The following CRPPA variants were observed in gnomAD, a reference collection of about 807,000 sequenced individuals.
CRPPA encodes CDP-L-ribitol pyrophosphorylase A, also known as D-ribitol-5-phosphate cytidylyltransferase.
Under a neutral mutation model 52.0 loss-of-function variants are expected in CRPPA, and 43 were observed. That is an observed-to-expected ratio of 0.83 (90% CI 0.65 to 1.07). CRPPA has a LOEUF of 1.07. CRPPA is among the 50% of genes least tolerant of loss of function. The pLI is 0.00. For synonymous variants in CRPPA, 250 were observed against 203.5 expected, an observed-to-expected ratio of 1.23 and a Z score of -1.94; for missense variants, 629 against 551.7, an observed-to-expected ratio of 1.14 and a Z score of -1.40.
chr7:16,302,244 C>T (rs1784803801), intron 4 of CRPPA, among the ~76,000 whole-genome samples: 1 of 126,822 alleles, frequency 7.9e-6, no homozygotes, highest in Admixed American at 1.1e-4. Context: ...TGCAGTGTGC[C>T]GAGATTGCGC....
chr7:16,394,011 G>A (rs1787508788), intron 2 of CRPPA, among the ~76,000 whole-genome samples: 1 of 152,062 alleles, frequency 6.6e-6, no homozygotes, highest in African/African-American at 2.4e-5. Flanking sequence ...ATAGACTGGA[G>A]GAAAGTCTAA....
intron 2 of CRPPA, among the ~76,000 whole-genome samples, chr7:16,378,837 T>C (rs1786986779): frequency 6.6e-6 from 1 of 152,216 alleles, no homozygotes; most frequent in African/African-American, 2.4e-5. Flanking sequence ...ACTGTGGTTT[T>C]GATTTGCATT....
At chr7:16,356,928 C>T (rs991215378) in intron 3 of CRPPA, among the ~76,000 whole-genome samples, 8 of 152,142 alleles carry the variant, frequency 5.3e-5, no homozygotes, top group Non-Finnish European at 1.2e-4. Flanking sequence ...AAGTGGTCTT[C>T]ACTCCTAAAA....
In CRPPA at chr7:16,287,322, T is replaced by C. The variant is rs117411860; in HGVS notation, c.836-9096A>G. 7.0e-4 allele frequency among the ~76,000 whole-genome samples: 106 copies of C among 152,284 alleles called. 1 individual carries two copies. The East Asian group carries it at 0.018, about 26-fold the overall frequency. On this transcript the variant is annotated intron_variant, in intron 5 of 9. Coordinates refer to ENST00000407010, the MANE Select transcript of CRPPA (RefSeq NM_001101426.4). ...ATTATAGTTTCTATATTACAGTATATTTTTTGTCCTTCTCTTCCACAAGAT... is the reference window on the plus strand; with the variant it reads ...ATTATAGTTTCTATATTACAGTATACTTTTTGTCCTTCTCTTCCACAAGAT...
At chr7:16,250,415 A>G (rs1314295055) in intron 8 of CRPPA, among the ~76,000 whole-genome samples, 2 of 152,172 alleles carry the variant, frequency 1.3e-5, no homozygotes. Flanking sequence ...CCCAAGACAC[A>G]GAATCGTCAG....
rs372166871 is a variant in CRPPA at position 16,369,341 on chromosome 7, A to G, written c.684+6751T>C. 2.5e-3 allele frequency among the ~76,000 whole-genome samples: 374 copies of G among 152,334 alleles called. 1 individual carries two copies. The highest frequency in any genetic ancestry group is 8.2e-3 in the African/African-American group (342 of 41,576). ...ACAGAACAGGGCAGGGAGTTTCACA[A>G]TGTTCTTCTATACAATGTCTGGAAT... On this transcript the variant is annotated intron_variant, in intron 3 of 9. Coordinates refer to ENST00000407010, the MANE Select transcript of CRPPA (RefSeq NM_001101426.4).
At chr7:16,346,570 A>C (rs571652271) in intron 3 of CRPPA, among the ~76,000 whole-genome samples, 1 of 152,258 alleles carries the variant, frequency 6.6e-6, no homozygotes, top group East Asian at 1.9e-4. Context: ...GGCAATAGCT[A>C]GTGTTTGTTG....
intron 9 of CRPPA, among the ~76,000 whole-genome samples, chr7:16,170,894 C>G (rs370283745): frequency 2.0e-5 from 3 of 152,238 alleles, no homozygotes; most frequent in Non-Finnish European, 4.4e-5. Context: ...CAGGCCCACC[C>G]GGAACTTGCA....
chr7:16,202,272 A>C (rs890739176), intron 9 of CRPPA, among the ~76,000 whole-genome samples: 5 of 152,302 alleles, frequency 3.3e-5, no homozygotes, highest in Non-Finnish European at 4.4e-5. Flanking sequence ...AACCTATAAA[A>C]ACATAAATAA....
At chr7:16,115,669 G>T (rs1041147951) in intron 9 of CRPPA, among the ~76,000 whole-genome samples, 1 of 152,152 alleles carries the variant, frequency 6.6e-6, no homozygotes, top group African/African-American at 2.4e-5. Flanking sequence ...TGAAGAATAA[G>T]ATGAGTCTGA....
At chr7:16,338,085 C>T (rs1785731901) in intron 3 of CRPPA, among the ~76,000 whole-genome samples, 1 of 152,022 alleles carries the variant, frequency 6.6e-6, no homozygotes, top group Non-Finnish European at 1.5e-5. Flanking sequence ...AACATAGACA[C>T]AAAAATTATC....
rs1164941495 is a variant in CRPPA at position 16,097,515 on chromosome 7, AAAG to A, written c.1252-5719_1252-5717del. The stretch of plus-strand genomic sequence containing the variant: ...ACCATGTTTGGGTGAAAGATGCACA[AAAG>A]AAGAGCTCTAATTACCATTATCTTT... On this transcript the variant is annotated intron_variant, in intron 9 of 9. Coordinates refer to ENST00000407010, the MANE Select transcript of CRPPA (RefSeq NM_001101426.4). Among the ~76,000 whole-genome samples, 4 of 152,296 alleles carry A rather than the reference AAAG, an allele frequency of 2.6e-5. No homozygotes were observed. The East Asian group carries it at 5.8e-4, about 22-fold the overall frequency.
At chr7:16,154,529 T>G (rs1174499177) in intron 9 of CRPPA, among the ~76,000 whole-genome samples, 1 of 152,146 alleles carries the variant, frequency 6.6e-6, no homozygotes, top group Non-Finnish European at 1.5e-5. Context: ...ATACTCCGAG[T>G]AATAAAACTA....
At chr7:16,291,600 GAAAT>G (rs1784565869) in intron 5 of CRPPA, among the ~76,000 whole-genome samples, 1 of 151,852 alleles carries the variant, frequency 6.6e-6, no homozygotes, top group South Asian at 2.1e-4. Context: ...AGTGGAGAAA[GAAAT>G]AAAGGGAGGT....
At chr7:16,337,457 C>T (rs1465967977) in intron 3 of CRPPA, among the ~76,000 whole-genome samples, 1 of 151,902 alleles carries the variant, frequency 6.6e-6, no homozygotes, top group Non-Finnish European at 1.5e-5. Flanking sequence ...TAGCATGCAG[C>T]AAAGAGTCCT....
intron 9 of CRPPA, among the ~76,000 whole-genome samples, chr7:16,144,990 T>C (rs1047750835): frequency 6.6e-6 from 1 of 152,158 alleles, no homozygotes; most frequent in African/African-American, 2.4e-5. Flanking sequence ...ACCTCTGAAG[T>C]AGAACAAGCC....
chr7:16,248,876 C>T (rs2128408980), intron 8 of CRPPA, among the ~76,000 whole-genome samples: 1 of 152,252 alleles, frequency 6.6e-6, no homozygotes, highest in Admixed American at 6.5e-5. Context: ...TGTGCTTTTC[C>T]CAAGGTCTTT....
chr7:16,165,612 TG>T, intron 9 of CRPPA, among the ~76,000 whole-genome samples: 1 of 152,364 alleles, frequency 6.6e-6, no homozygotes, highest in Non-Finnish European at 1.5e-5. Context: ...ATATATTCAT[TG>T]TCAGATGGAA....
intron 5 of CRPPA, among the ~76,000 whole-genome samples, chr7:16,298,368 A>G (rs1784717092): frequency 6.6e-6 from 1 of 152,228 alleles, no homozygotes; most frequent in Admixed American, 6.5e-5. Context: ...AAAAAGATCA[A>G]ACTGCCTAAG....
Sources: allele counts gnomAD v4.1 joint callset (sites outside exome capture counted in the v4.1 genomes callset), GRCh38; gene constraint gnomAD v4.1.1; transcripts MANE v1.5; gene names NCBI Gene and HGNC (gene_info 2026-07-23, HGNC 2026-07-21).